The following TRPC6 variants were observed in gnomAD, a reference collection of about 807,000 sequenced individuals.
TRPC6 encodes the protein short transient receptor potential channel 6.
Under a neutral mutation model 90.7 loss-of-function variants are expected in TRPC6, and 55 were observed. That is an observed-to-expected ratio of 0.61 (90% CI 0.49 to 0.76). TRPC6 has a LOEUF of 0.76. Ranked by LOEUF, TRPC6 falls within the 30% of genes least tolerant of loss-of-function variation. The pLI, the probability that TRPC6 is intolerant of heterozygous loss-of-function variation, is 0.00. For missense variants in TRPC6, 989 were observed against 1,122.7 expected, an observed-to-expected ratio of 0.88 and a Z score of 1.70; for synonymous variants, 393 against 393.0, an observed-to-expected ratio of 1.00 and a Z score of 0.00.
At chr11:101,514,918 G>C (rs1860482195) in intron 1 of TRPC6, among the ~76,000 whole-genome samples, 1 of 152,154 alleles carries the variant, frequency 6.6e-6, no homozygotes, top group South Asian at 2.1e-4. Context: ...ATATTTGGAA[G>C]AACAAAGCTT....
intron 9 of TRPC6, among the ~76,000 whole-genome samples, chr11:101,470,814 C>T (rs796404555): frequency 1.7e-5 from 1 of 60,602 alleles, no homozygotes; most frequent in Admixed American, 1.6e-4. Context: ...CCCGCCCCCC[C>T]CCCCTCCCCG....
chr11:101,564,486 T>C lies in TRPC6; in HGVS notation c.170+18848A>G, dbSNP rs576582065. 7.2e-5 allele frequency among the ~76,000 whole-genome samples: 11 copies of C among 152,314 alleles called. No homozygotes were observed. The South Asian group carries it at 1.7e-3, about 23-fold the overall frequency. ...TCTATTGTGCTAGTTAATGCTCCAG[T>C]ACATGCTTATAGAAGCAGCAGTGGA... On this transcript the variant is annotated intron_variant, in intron 1 of 12. Transcript: ENST00000344327.
chr11:101,468,420 G>A (rs1277164528), intron 10 of TRPC6, among the ~76,000 whole-genome samples: 3 of 152,138 alleles, frequency 2.0e-5, no homozygotes, highest in African/African-American at 4.8e-5. Context: ...TGTTGGGGGA[G>A]GTAACATAAC....
In TRPC6 at chr11:101,583,539, G is replaced by C; in HGVS notation, c.-36C>G. The C allele has an allele frequency of 7.1e-7, 1 of 1,416,496 alleles. No individual in the cohort carries two copies. Among genetic ancestry groups the C allele is most frequent in the Non-Finnish European group, 9.2e-7 (1 of 1,090,828 alleles). The allele number at this position is 1,416,496 out of a possible 1,614,324, so 87.7% of individuals were successfully genotyped here. A position where few individuals can be genotyped will look rare whatever the true frequency, so the allele number is the denominator to read the frequency against. On this transcript the variant is annotated 5_prime_UTR_variant, in exon 1 of 13. Transcript: ENST00000344327. ...CCCGACTGGCCTGGGCCCCGCTCCC[G>C]GGGGAGCCGAGTGGGCAGTTCCAGC...
intron 10 of TRPC6, among the ~76,000 whole-genome samples, chr11:101,457,675 GCT>G (rs1858916259): frequency 1.3e-5 from 2 of 152,148 alleles, no homozygotes; most frequent in Non-Finnish European, 2.9e-5. Flanking sequence ...TCAAATTCAG[GCT>G]CTGTCACTTG....
intron 10 of TRPC6, among the ~76,000 whole-genome samples, chr11:101,464,355 C>A (rs552381778): frequency 1.0e-3 from 154 of 152,170 alleles, no homozygotes; most frequent in African/African-American, 3.5e-3. Context: ...CTTTAATTTT[C>A]TGTCTTGTTG....
At chr11:101,571,836 G>C (rs1861971252) in intron 1 of TRPC6, among the ~76,000 whole-genome samples, 1 of 152,114 alleles carries the variant, frequency 6.6e-6, no homozygotes. Context: ...ACTGAAACTG[G>C]ATCCCTTCCT....
chr11:101,500,956 C>A (rs956689237), intron 2 of TRPC6, among the ~76,000 whole-genome samples: 1 of 152,120 alleles, frequency 6.6e-6, no homozygotes, highest in Non-Finnish European at 1.5e-5. Context: ...GCAATATGTA[C>A]ACCATGCAGA....
At chr11:101,506,337 T>C (rs1280679999) in intron 1 of TRPC6, among the ~76,000 whole-genome samples, 1 of 151,812 alleles carries the variant, frequency 6.6e-6, no homozygotes, top group East Asian at 1.9e-4. Context: ...CCCTCCAATA[T>C]GTTCAGGTCT....
intron 1 of TRPC6, among the ~76,000 whole-genome samples, chr11:101,565,259 GAAAAGA>G (rs1861803862): frequency 6.6e-6 from 1 of 151,960 alleles, no homozygotes; most frequent in Non-Finnish European, 1.5e-5. Context: ...ATCAACAAAT[GAAAAGA>G]AGTGTTCAAA....
chr11:101,529,593 TA>T (rs1860861837), intron 1 of TRPC6, among the ~76,000 whole-genome samples: 1 of 152,206 alleles, frequency 6.6e-6, no homozygotes, highest in Non-Finnish European at 1.5e-5. Flanking sequence ...ATCTTGGAAT[TA>T]GGGGGGACCT....
intron 12 of TRPC6, among the ~76,000 whole-genome samples, chr11:101,453,396 C>T (rs774956490): frequency 2.6e-5 from 4 of 152,174 alleles, no homozygotes; most frequent in Non-Finnish European, 4.4e-5. Context: ...GCCTTTCCCA[C>T]CCACTTCCTC....
chr11:101,511,278 C>G (rs1390201612), intron 1 of TRPC6, among the ~76,000 whole-genome samples: 8 of 152,138 alleles, frequency 5.3e-5, no homozygotes, highest in African/African-American at 1.4e-4. Context: ...ACCCTATGCT[C>G]TTCCTCTGGG....
chr11:101,485,574 A>C (rs1859660605), intron 4 of TRPC6, among the ~76,000 whole-genome samples: 2 of 131,326 alleles, frequency 1.5e-5, no homozygotes, highest in South Asian at 4.5e-4. Flanking sequence ...TATAAATCCT[A>C]AACTTTTTTT....
chr11:101,510,111 A>ATCTT (rs1860364644), intron 1 of TRPC6, among the ~76,000 whole-genome samples: 1 of 152,110 alleles, frequency 6.6e-6, no homozygotes, highest in African/African-American at 2.4e-5. Context: ...TGCTCTCCTT[A>ATCTT]TCTTTCTTAA....
In TRPC6 at chr11:101,522,183, G is replaced by A. The variant is rs192467887; in HGVS notation, c.171-17385C>T. Among the ~76,000 whole-genome samples the A allele has an allele frequency of 2.6e-4, 40 of 152,280 alleles. No homozygotes were observed. The East Asian group carries it at 7.1e-3, about 27-fold the overall frequency. Reference sequence around the variant, plus strand: ...CTCAAATCTCATGTTGAATTGTAATGCCCAGTGTTGAAGAAAGGGCCTGGT... The same window carrying A: ...CTCAAATCTCATGTTGAATTGTAATACCCAGTGTTGAAGAAAGGGCCTGGT... On this transcript the variant is annotated intron_variant, in intron 1 of 12. Coordinates refer to ENST00000344327, the MANE Select transcript of TRPC6 (RefSeq NM_004621.6).
At chr11:101,567,167 T>G (rs60088687) in intron 1 of TRPC6, among the ~76,000 whole-genome samples, 36,500 of 151,472 alleles carry the variant, frequency 0.24, 4,675 homozygotes, top group East Asian at 0.41. Flanking sequence ...CCTGGGTCAC[T>G]CTAGCTAGGT....
At chr11:101,559,857 T>TCCCACCTATGG (rs1292009175) in intron 1 of TRPC6, among the ~76,000 whole-genome samples, 2 of 148,022 alleles carry the variant, frequency 1.4e-5, no homozygotes, top group Admixed American at 1.4e-4. Context: ...ATTGTTCAAT[T>TCCCACCTATGG]CCCACCTATG....
intron 1 of TRPC6, among the ~76,000 whole-genome samples, chr11:101,539,274 A>C (rs956160374): frequency 3.9e-5 from 6 of 152,204 alleles, no homozygotes; most frequent in Non-Finnish European, 7.3e-5. Context: ...CTCTGAGGCT[A>C]GACTGCTCTC....
Sources: allele counts gnomAD v4.1 joint callset (sites outside exome capture counted in the v4.1 genomes callset), GRCh38; gene constraint gnomAD v4.1.1; transcripts MANE v1.5; gene names NCBI Gene and HGNC (gene_info 2026-07-23, HGNC 2026-07-21).